The following MMS22L variants were observed in gnomAD, a reference collection of about 807,000 sequenced individuals.
The protein encoded by MMS22L is protein MMS22-like.
A neutral mutation model predicts 159.1 loss-of-function variants in MMS22L; 74 were observed. The ratio of observed to expected loss-of-function variants is 0.47; its 90% confidence interval spans 0.39 to 0.56. The LOEUF (loss-of-function observed/expected upper bound fraction) is 0.56, where lower values mean the gene tolerates loss of function less well. Ranked by LOEUF, MMS22L falls within the 20% of genes least tolerant of loss-of-function variation. The probability of loss-of-function intolerance (pLI) is 0.00; values close to 1 mark genes in which losing one functional copy is unlikely to be tolerated. For missense variants in MMS22L, 1,351 were observed against 1,422.1 expected (o/e 0.95, Z 0.80); for synonymous variants, 517 against 506.9 (o/e 1.02, Z -0.27).
chr6:97,245,050 C>T (rs752442065), intron 11 of MMS22L, among the ~76,000 whole-genome samples: 1 of 152,086 alleles, frequency 6.6e-6, no homozygotes, highest in Non-Finnish European at 1.5e-5. Context: ...CGCTATGCTC[C>T]CTCAACAGCC....
Position 97,169,901 on chromosome 6 carries a change from G to A in MMS22L, c.2840-1661C>T, listed in dbSNP as rs370717978. ...TACCACATGGTATAGTTTAGTTACC[G>A]GTGATATAGGGTACCACGTGGTATA... is the stretch of plus-strand genomic sequence containing the variant. On this transcript the variant is annotated intron_variant, in intron 19 of 24. Transcript: ENST00000683635. 6.9e-4 allele frequency among the ~76,000 whole-genome samples: 105 copies of A among 152,012 alleles called. 1 individual carries two copies. Among genetic ancestry groups the A allele is most frequent in the Admixed American group, 2.8e-3 (42 of 15,236 alleles).
Position 97,243,614 on chromosome 6 carries a change from T to C in MMS22L, c.1182+3014A>G, listed in dbSNP as rs539917209. Among the ~76,000 whole-genome samples, 4 of 152,312 alleles carry C rather than the reference T, an allele frequency of 2.6e-5. No homozygotes were observed. In the South Asian group the frequency reaches 8.3e-4, roughly 32 times the overall value. ...GAGATTTCTTCTTGGTTTGGATTAA[T>C]GGCTGGTGAGCTAGTGTGATCTTGT... On this transcript the variant is annotated intron_variant, in intron 11 of 24. Coordinates refer to ENST00000683635, the MANE Select transcript of MMS22L (RefSeq NM_001350599.2).
intron 14 of MMS22L, among the ~76,000 whole-genome samples, chr6:97,217,834 C>A (rs1265485479): frequency 2.0e-5 from 3 of 152,134 alleles, no homozygotes; most frequent in Admixed American, 2.0e-4. Context: ...CCTTTCATTA[C>A]AGAATCTTCG....
At chr6:97,228,764 AC>A in intron 14 of MMS22L, 129 bp downstream of exon 14, 1 of 861,010 alleles carries the variant, frequency 1.2e-6, no homozygotes, top group East Asian at 2.7e-5. Flanking sequence ...GTAGTAGAAA[AC>A]TAAATCCTTC....
chr6:97,160,447 C>T (rs774902246), intron 22 of MMS22L, among the ~76,000 whole-genome samples: 2 of 151,960 alleles, frequency 1.3e-5, no homozygotes, highest in Admixed American at 1.3e-4. Flanking sequence ...TGTCTCTGGC[C>T]CCCAGTTTCC....
chr6:97,233,040 G>T (rs1415477356), intron 12 of MMS22L, among the ~76,000 whole-genome samples: 1 of 149,940 alleles, frequency 6.7e-6, no homozygotes, highest in African/African-American at 2.5e-5. Context: ...TAAGTTGTCT[G>T]TACCCAATTC....
intron 14 of MMS22L, among the ~76,000 whole-genome samples, chr6:97,224,799 T>C (rs1278597677): frequency 6.6e-6 from 1 of 151,952 alleles, no homozygotes; most frequent in African/African-American, 2.4e-5. Flanking sequence ...TTATAAAGAC[T>C]GTATAAGCCA....
At chr6:97,155,617 C>G (rs1304769486) in intron 22 of MMS22L, among the ~76,000 whole-genome samples, 1 of 152,120 alleles carries the variant, frequency 6.6e-6, no homozygotes, top group Non-Finnish European at 1.5e-5. Flanking sequence ...TCCAGTTTCA[C>G]CCACGTCCCT....
chr6:97,146,948 G>T, intron 24 of MMS22L, 61 bp from the exon 25 acceptor site: 1 of 1,207,498 alleles, frequency 8.3e-7, no homozygotes, highest in Non-Finnish European at 1.2e-6. Flanking sequence ...TTTCATTTCA[G>T]TATTTACAAA....
intron 4 of MMS22L, among the ~76,000 whole-genome samples, chr6:97,275,915 A>C (rs1051756124): frequency 1.6e-4 from 24 of 152,008 alleles, no homozygotes; most frequent in African/African-American, 5.8e-4. Context: ...AGATGGGAGG[A>C]TCTGCTTGAG....
At chr6:97,163,694 C>A (rs1452646355) in intron 21 of MMS22L, among the ~76,000 whole-genome samples, 3 of 151,920 alleles carry the variant, frequency 2.0e-5, no homozygotes, top group African/African-American at 7.2e-5. Context: ...CATAATTCTG[C>A]AAATTGAGCT....
chr6:97,281,210 T>C (rs746471445), intron 3 of MMS22L, 27 bp downstream of exon 3: 4 of 1,589,612 alleles, frequency 2.5e-6, no homozygotes, highest in Non-Finnish European at 3.4e-6. Context: ...ACACCTACAC[T>C]CACAGAAAGT....
At chr6:97,147,570 C>G (rs1301864653) in intron 24 of MMS22L, among the ~76,000 whole-genome samples, 1 of 152,192 alleles carries the variant, frequency 6.6e-6, no homozygotes, top group Non-Finnish European at 1.5e-5. Flanking sequence ...GGTTCACACA[C>G]AGCCTCTCTA....
Position 97,179,553 on chromosome 6 carries a change from T to A in MMS22L, c.2391A>T (p.Leu797Phe). ...YLSHVLQNST[L>F]CEALSHSGYV... The stretch of plus-strand genomic sequence containing the variant: ...AGCCTGAATGAGAAAGTGCTTCACA[T>A]AATGTGCTGTAGAAACAAATTGACA... Residue 797 changes from leucine to phenylalanine, a missense_variant, in exon 17 of 25, where the codon TTA (leucine) becomes TTT (phenylalanine). Leu to Phe is a conservative substitution (Grantham distance 22). Transcript: ENST00000683635. The A allele has an allele frequency of 6.2e-7, 1 of 1,607,540 alleles. No individual in the cohort carries two copies. The highest frequency in any genetic ancestry group is 1.1e-5 in the South Asian group (1 of 89,466).
chr6:97,256,808 G>A (rs373638211), intron 9 of MMS22L, among the ~76,000 whole-genome samples: 55 of 152,252 alleles, frequency 3.6e-4, no homozygotes, highest in African/African-American at 1.2e-3. Context: ...TTAGCCAGGT[G>A]TGGTGGCATG....
intron 11 of MMS22L, 75 bp from the exon 12 acceptor site, chr6:97,234,055 G>A: frequency 6.8e-7 from 1 of 1,460,344 alleles, no homozygotes; most frequent in Non-Finnish European, 9.2e-7. Flanking sequence ...ATATTGTGCT[G>A]TATATAACCT....
At chr6:97,212,681 G>A (rs1481513227) in intron 14 of MMS22L, among the ~76,000 whole-genome samples, 1 of 152,182 alleles carries the variant, frequency 6.6e-6, no homozygotes, top group Non-Finnish European at 1.5e-5. Flanking sequence ...TACAGTGAAA[G>A]AGCAGAGTCA....
chr6:97,261,072 A>ATTTC (rs1814425765), intron 9 of MMS22L: 1 of 152,116 alleles, frequency 6.6e-6, no homozygotes, highest in African/African-American at 2.4e-5. Flanking sequence ...CTACAAGAAA[A>ATTTC]CTTTTTCAGT....
chr6:97,260,191 T>A (rs1814304328), intron 9 of MMS22L: 1 of 152,200 alleles, frequency 6.6e-6, no homozygotes, highest in Non-Finnish European at 1.5e-5. Context: ...AGCAGACCCT[T>A]TCAATACGTA....
Sources: allele counts gnomAD v4.1 joint callset (sites outside exome capture counted in the v4.1 genomes callset), GRCh38; gene constraint gnomAD v4.1.1; transcripts MANE v1.5; gene names NCBI Gene and HGNC (gene_info 2026-07-23, HGNC 2026-07-21).